Variants in COLEC11 observed in about 807,000 individuals in gnomAD.
The protein encoded by COLEC11 is collectin-11.
Under a neutral mutation model 27.3 loss-of-function variants are expected in COLEC11, and 20 were observed. The observed-to-expected ratio is 0.73, with a 90% CI of 0.51 to 1.06. The LOEUF (loss-of-function observed/expected upper bound fraction) is 1.06. Ranked by LOEUF, COLEC11 falls within the 50% of genes least tolerant of loss-of-function variation. The pLI is 0.00. For synonymous variants in COLEC11, 163 were observed against 154.7 expected (o/e 1.05, Z -0.40); for missense variants, 310 against 383.0 (o/e 0.81, Z 1.59).
chr2:3,620,613 A>G (rs1247819520), intron 3 of COLEC11, among the ~76,000 whole-genome samples: 1 of 151,682 alleles, frequency 6.6e-6, no homozygotes, highest in African/African-American at 2.4e-5. Flanking sequence ...GTTTTTTTCT[A>G]GTCCCTTATG....
chr2:3,639,554 C>A (rs1665692554), intron 4 of COLEC11, among the ~76,000 whole-genome samples: 2 of 152,214 alleles, frequency 1.3e-5, no homozygotes, highest in Admixed American at 1.3e-4. Context: ...TTCTCAGAGG[C>A]ATTTGGGGCC....
intron 3 of COLEC11, among the ~76,000 whole-genome samples, chr2:3,618,037 T>C (rs1024080423): frequency 4.6e-5 from 7 of 152,220 alleles, no homozygotes; most frequent in Non-Finnish European, 8.8e-5. Flanking sequence ...TTAAATTGGG[T>C]TATTTGTTTT....
intron 5 of COLEC11, 71 bp from the exon 6 acceptor site, chr2:3,643,373 G>T (rs1415734476): frequency 1.2e-5 from 15 of 1,271,348 alleles, no homozygotes; most frequent in Admixed American, 1.7e-5. Flanking sequence ...TTTCCGGGGA[G>T]GGGTCCTCGC....
Position 3,595,184 on chromosome 2 carries a change from C to G in COLEC11, c.-27+16C>G. On this transcript the variant is annotated intron_variant, in intron 1 of 6. Coordinates refer to ENST00000349077, the MANE Select transcript of COLEC11 (RefSeq NM_024027.5). ...GCGTGCTCAGGTAGGAGACTCTGCC[C>G]GGGGCTGCAGCTGAGGGTTTCACGG... 2 of 315,812 alleles carry G rather than the reference C, an allele frequency of 6.3e-6. No homozygotes were observed. The highest frequency in any genetic ancestry group is 4.9e-5 in the South Asian group (2 of 41,202). The allele number at this position is 315,812 out of a possible 1,614,324, so 19.6% of individuals were successfully genotyped here. A position where few individuals can be genotyped will look rare whatever the true frequency, so the allele number is the denominator to read the frequency against.
At chr2:3,600,521 T>G (rs1182055392) in intron 1 of COLEC11, among the ~76,000 whole-genome samples, 1 of 152,188 alleles carries the variant, frequency 6.6e-6, no homozygotes, top group Non-Finnish European at 1.5e-5. Flanking sequence ...ACTACTGCAC[T>G]CCAGTCCTGT....
chr2:3,625,229 C>T (rs930830774), intron 3 of COLEC11, among the ~76,000 whole-genome samples: 1 of 152,190 alleles, frequency 6.6e-6, no homozygotes, highest in African/African-American at 2.4e-5. Flanking sequence ...CTTTTTCAGG[C>T]TCCGAGGCCT....
intron 3 of COLEC11, among the ~76,000 whole-genome samples, chr2:3,614,927 T>G (rs1021977371): frequency 9.9e-5 from 15 of 152,196 alleles, no homozygotes; most frequent in Non-Finnish European, 2.1e-4. Flanking sequence ...TATTAGCAGT[T>G]GAAGAAAGAA....
At position 3,602,179 on chromosome 2, in the gene COLEC11, C is replaced by T. The variant is rs969768637; in HGVS notation, c.-26-2136C>T. 1.3e-5 allele frequency among the ~76,000 whole-genome samples: 2 copies of T among 152,186 alleles called. No individual in the cohort carries two copies. The highest frequency in any genetic ancestry group is 2.4e-5 in the African/African-American group (1 of 41,444). On this transcript the variant is annotated intron_variant, in intron 1 of 6. Transcript: ENST00000349077. This position sits in a 1 kb window ranked among gnomAD's most constrained non-coding sequence, Gnocchi z 6.2. ...CCCACCACAGATGGCCTTTCTCTAG[C>T]AGCTAAGGTGACCTTCATTTTGGAC...
At position 3,613,341 on chromosome 2, in the gene COLEC11, C is replaced by A. The variant is rs574538772; in HGVS notation, c.161C>A (p.Ala54Asp). Residue 54 changes from alanine to aspartate, a missense_variant, in exon 3 of 7, where the codon GCC becomes GAC. Physicochemically the swap from Ala to Asp is moderately radical, Grantham distance 126. Transcript: ENST00000349077. ...GDAGEKGDKG[A>D]PGRPGRVGPT... The stretch of plus-strand genomic sequence containing the variant: ...GCGGGAGAGAAGGGAGACAAAGGCG[C>A]CCCCGGACGGCCTGGAAGAGTCGGC... The A allele has an allele frequency of 8.5e-5, 137 of 1,610,092 alleles. 2 individuals are homozygous for A. The South Asian group carries it at 1.5e-3, about 17-fold the overall frequency.
chr2:3,631,687 C>T (rs941462609), intron 3 of COLEC11, among the ~76,000 whole-genome samples: 1 of 151,944 alleles, frequency 6.6e-6, no homozygotes, highest in Non-Finnish European at 1.5e-5. Context: ...CGGAGGGGCC[C>T]CTGCTCGGAG....
intron 3 of COLEC11, among the ~76,000 whole-genome samples, chr2:3,635,000 A>AC (rs1401279176): frequency 6.8e-6 from 1 of 146,544 alleles, no homozygotes; most frequent in Non-Finnish European, 1.5e-5. Flanking sequence ...CCTCTTCCTC[A>AC]CGTGGGCCCC....
At chr2:3,619,359 G>A (rs1244869116) in intron 3 of COLEC11, among the ~76,000 whole-genome samples, 1 of 152,146 alleles carries the variant, frequency 6.6e-6, no homozygotes, top group Non-Finnish European at 1.5e-5. Context: ...TGATTTTAGA[G>A]TAAAGCTTTC....
chr2:3,633,568 C>T (rs1194697688), intron 3 of COLEC11, among the ~76,000 whole-genome samples: 1 of 152,122 alleles, frequency 6.6e-6, no homozygotes, highest in Non-Finnish European at 1.5e-5. Context: ...GCTGTGAGCG[C>T]GTCCAGCCTG....
chr2:3,600,506 G>A (rs1662140835), intron 1 of COLEC11, among the ~76,000 whole-genome samples: 1 of 152,214 alleles, frequency 6.6e-6, no homozygotes, highest in Admixed American at 6.5e-5. Context: ...AGTGAGCCAA[G>A]ATGCACTACT....
At chr2:3,634,424 C>G (rs1665233323) in intron 3 of COLEC11, among the ~76,000 whole-genome samples, 1 of 152,220 alleles carries the variant, frequency 6.6e-6, no homozygotes, top group South Asian at 2.1e-4. Flanking sequence ...AGCAACTTCC[C>G]AGCTCCTCCA....
rs561305271 is a variant in COLEC11 at position 3,602,859 on chromosome 2, C to T, written c.-26-1456C>T. Among the ~76,000 whole-genome samples, 3 of 152,360 alleles carry T rather than the reference C, an allele frequency of 2.0e-5. No homozygotes were observed. The East Asian group carries it at 5.8e-4, about 29-fold the overall frequency. ...CCCTGGCAACCATCCTGAACAGCAG[C>T]ATGTGTCCCGGCCACTGGACTCTGC... On this transcript the variant is annotated intron_variant, in intron 1 of 6. Transcript: ENST00000349077. This position sits in a 1 kb window ranked among gnomAD's most constrained non-coding sequence, Gnocchi z 6.2.
At chr2:3,641,523 A>G (rs988137782) in intron 5 of COLEC11, 1 of 944,938 alleles carries the variant, frequency 1.1e-6, no homozygotes, top group African/African-American at 1.7e-5. Flanking sequence ...TTGGAGGTTA[A>G]ATGAGGAAAG....
At position 3,637,527 on chromosome 2, in the gene COLEC11, C is replaced by T; in HGVS notation, c.203-6C>T. On this transcript the variant is annotated splice_region_variant and splice_polypyrimidine_tract_variant and intron_variant, in intron 3 of 6. Coordinates refer to ENST00000349077, the MANE Select transcript of COLEC11 (RefSeq NM_024027.5). ...CGACCAACTTTGCTCTTATTGTTTTCTACAGGAGACATGGGGGACAAAGGA... is the reference window on the plus strand; with the variant it reads ...CGACCAACTTTGCTCTTATTGTTTTTTACAGGAGACATGGGGGACAAAGGA... The T allele has an allele frequency of 6.2e-7, 1 of 1,613,874 alleles. No homozygotes were observed.
At chr2:3,636,587 T>C (rs185529764) in intron 3 of COLEC11, among the ~76,000 whole-genome samples, 120 of 152,376 alleles carry the variant, frequency 7.9e-4, no homozygotes, top group African/African-American at 2.8e-3. Flanking sequence ...TGTGTAAACA[T>C]GTCCATGAAA....
Sources: gnomAD v4.1 joint callset for allele counts (sites outside exome capture counted in the v4.1 genomes callset) on GRCh38, gnomAD v4.1.1 for gene constraint, Gnocchi (gnomAD v3.1) non-coding constraint, MANE v1.5 for transcripts, NCBI Gene and HGNC (gene_info 2026-07-23, HGNC 2026-07-21) for gene names.